FAM227B: variants seen among roughly 807,000 people sequenced by gnomAD.
FAM227B encodes the protein protein FAM227B.
A neutral mutation model predicts 73.8 loss-of-function variants in FAM227B; 88 were observed. That is an observed-to-expected ratio of 1.19 (90% CI 1.00 to 1.42). The LOEUF is 1.42. Ranked by LOEUF, FAM227B falls within the 40% of genes most tolerant of loss-of-function variation. FAM227B has a pLI of 0.00. For synonymous variants in FAM227B, 210 were observed against 190.5 expected, an observed-to-expected ratio of 1.10 and a Z score of -0.84; for missense variants, 632 against 590.9, an observed-to-expected ratio of 1.07 and a Z score of -0.72.
At chr15:49,474,275 T>A (rs1216080747) in intron 11 of FAM227B, among the ~76,000 whole-genome samples, 6 of 152,184 alleles carry the variant, frequency 3.9e-5, no homozygotes, top group African/African-American at 1.4e-4. Context: ...TCATACCGTA[T>A]GAGAAAGGGC....
chr15:49,539,047 G>A (rs2070685071), intron 10 of FAM227B, among the ~76,000 whole-genome samples: 2 of 152,066 alleles, frequency 1.3e-5, no homozygotes, highest in Non-Finnish European at 2.9e-5. Context: ...ACATTTGATG[G>A]TGCAGTCACC....
At chr15:49,475,645 A>AT (rs1021529168) in intron 11 of FAM227B, among the ~76,000 whole-genome samples, 16 of 151,884 alleles carry the variant, frequency 1.1e-4, no homozygotes, top group African/African-American at 2.9e-4. Flanking sequence ...ACAATTTGAT[A>AT]TTTTTTTTAC....
At position 49,583,399 on chromosome 15, in the gene FAM227B, G is replaced by A. The variant is rs543135951; in HGVS notation, c.405+4617C>T. ...AACCCACCAAAACCAAAATGGCGAC[G>A]AGAGTGAGAGACCTCAAGTCATCCT... On this transcript the variant is annotated intron_variant, in intron 5 of 15. Transcript: ENST00000299338. Among the ~76,000 whole-genome samples, 25 of 152,112 alleles carry A rather than the reference G, an allele frequency of 1.6e-4. 1 individual carries two copies. The highest frequency in any genetic ancestry group is 9.6e-5 in the African/African-American group (4 of 41,520).
chr15:49,537,900 C>T (rs8035468), intron 10 of FAM227B, among the ~76,000 whole-genome samples: 49,827 of 151,632 alleles, frequency 0.33, 8,955 homozygotes, highest in African/African-American at 0.46. Flanking sequence ...TATTGGTTAC[C>T]GGGACCAGGC....
At chr15:49,438,466 AGAGAAAAGG>A (rs574818304) in intron 11 of FAM227B, among the ~76,000 whole-genome samples, 1 of 151,874 alleles carries the variant, frequency 6.6e-6, no homozygotes, top group South Asian at 2.1e-4. Flanking sequence ...CAATTGCAGA[AGAGAAAAGG>A]GAGAAAAGTA....
At chr15:49,385,137 A>G (rs184656477) in intron 11 of FAM227B, among the ~76,000 whole-genome samples, 226 of 152,046 alleles carry the variant, frequency 1.5e-3, no homozygotes, top group Middle Eastern at 6.8e-3. Flanking sequence ...AAGGTTTCTT[A>G]TCAGGGCAGG....
intron 11 of FAM227B, chr15:49,489,281 T>A: frequency 1.0e-6 from 1 of 984,710 alleles, no homozygotes; most frequent in Non-Finnish European, 1.2e-6. Context: ...CTAATAAGAG[T>A]AATTCATGGC....
At chr15:49,508,370 T>G in intron 10 of FAM227B, 22 bp from the exon 11 acceptor site, 1 of 1,533,580 alleles carries the variant, frequency 6.5e-7, no homozygotes, top group Non-Finnish European at 8.7e-7. Flanking sequence ...AAATACATAT[T>G]TAGCCAAATA....
At chr15:49,351,507 G>C (rs1336088010) in intron 13 of FAM227B, among the ~76,000 whole-genome samples, 1 of 152,084 alleles carries the variant, frequency 6.6e-6, no homozygotes, top group Non-Finnish European at 1.5e-5. Context: ...TCGACTATTG[G>C]AGATCTACAA....
intron 11 of FAM227B, among the ~76,000 whole-genome samples, chr15:49,452,185 G>T (rs1282406913): frequency 6.6e-6 from 1 of 151,986 alleles, no homozygotes; most frequent in African/African-American, 2.4e-5. Context: ...GGCACTACAG[G>T]TGCATGCTAC....
intron 11 of FAM227B, among the ~76,000 whole-genome samples, chr15:49,408,945 T>G (rs923076315): frequency 2.6e-5 from 4 of 152,156 alleles, no homozygotes; most frequent in Admixed American, 2.6e-4. Flanking sequence ...AATGAATGAG[T>G]ATATAAATTC....
At chr15:49,572,616 C>T (rs950877100) in intron 8 of FAM227B, among the ~76,000 whole-genome samples, 3 of 152,080 alleles carry the variant, frequency 2.0e-5, no homozygotes, top group Admixed American at 6.6e-5. Flanking sequence ...CATTTTCATA[C>T]CAAACAACCC....
At chr15:49,394,259 C>G (rs2047414939) in intron 11 of FAM227B, among the ~76,000 whole-genome samples, 1 of 152,100 alleles carries the variant, frequency 6.6e-6, no homozygotes, top group Non-Finnish European at 1.5e-5. Flanking sequence ...CTAGGAAAAG[C>G]TGACCTTAGG....
chr15:49,576,854 A>C lies in FAM227B; in HGVS notation c.442-9T>G, dbSNP rs761104593. ...CCTGTGAAGCTGCAACCCTAGAAAG[A>C]GGAAAATATAACAGGAGAGTAAATA... On this transcript the variant is annotated splice_polypyrimidine_tract_variant and intron_variant, in intron 6 of 15. Coordinates refer to ENST00000299338, the MANE Select transcript of FAM227B (RefSeq NM_152647.3). The C allele has an allele frequency of 6.5e-7, 1 of 1,545,892 alleles. No individual in the cohort carries two copies. Among genetic ancestry groups the C allele is most frequent in the Non-Finnish European group, 8.9e-7 (1 of 1,121,728 alleles).
intron 3 of FAM227B, among the ~76,000 whole-genome samples, chr15:49,600,350 C>CTTTTT (rs373443382): frequency 7.8e-6 from 1 of 127,890 alleles, no homozygotes. Flanking sequence ...TTCTTTCTTT[C>CTTTTT]TTTTTTTTTT....
At chr15:49,430,794 T>C (rs2079742346) in intron 11 of FAM227B, among the ~76,000 whole-genome samples, 1 of 151,842 alleles carries the variant, frequency 6.6e-6, no homozygotes, top group South Asian at 2.1e-4. Context: ...GAAGCCTTCA[T>C]GGCCTAATCA....
chr15:49,447,046 A>G (rs1374181536), intron 11 of FAM227B, among the ~76,000 whole-genome samples: 1 of 151,522 alleles, frequency 6.6e-6, no homozygotes, highest in Non-Finnish European at 1.5e-5. Flanking sequence ...GAATAAATGG[A>G]CTGTGATTCT....
rs920051390 is a variant in FAM227B at position 49,483,289 on chromosome 15, A to C, written c.1012+24922T>G. The stretch of plus-strand genomic sequence containing the variant: ...ATTGATAGCTTAGGCTTAATTTTTA[A>C]AACTCATTTTTGTCAAAATATCTCA... On this transcript the variant is annotated intron_variant, in intron 11 of 15. Coordinates refer to ENST00000299338, the MANE Select transcript of FAM227B (RefSeq NM_152647.3). The C allele has an allele frequency of 9.9e-6, 11 of 1,108,644 alleles. No homozygotes were observed. In the African/African-American group the frequency reaches 1.1e-4, roughly 11 times the overall value. The allele number at this position is 1,108,644 out of a possible 1,614,324, so 68.7% of individuals were successfully genotyped here. A position where few individuals can be genotyped will look rare whatever the true frequency, so the allele number is the denominator to read the frequency against.
At chr15:49,345,648 C>CTA (rs2041367862) in intron 13 of FAM227B, among the ~76,000 whole-genome samples, 1 of 152,136 alleles carries the variant, frequency 6.6e-6, no homozygotes, top group Admixed American at 6.5e-5. Context: ...CCATGCACTG[C>CTA]TATATGGTAA....
Sources: gnomAD v4.1 joint callset for allele counts (sites outside exome capture counted in the v4.1 genomes callset) on GRCh38, gnomAD v4.1.1 for gene constraint, MANE v1.5 for transcripts, NCBI Gene and HGNC (gene_info 2026-07-23, HGNC 2026-07-21) for gene names.